Variants in ANKS1A observed in about 807,000 individuals in gnomAD.
The protein encoded by ANKS1A is ankyrin repeat and sterile alpha motif domain containing 1A.
In ANKS1A, 55 loss-of-function variants were observed where a neutral mutation model predicts 120.3. The ratio of observed to expected loss-of-function variants is 0.46; its 90% confidence interval spans 0.37 to 0.57. The LOEUF (loss-of-function observed/expected upper bound fraction) is 0.57. ANKS1A is among the 20% of genes least tolerant of loss of function. The pLI, the probability that ANKS1A is intolerant of heterozygous loss-of-function variation, is 0.00. For missense variants in ANKS1A, 1,123 were observed against 1,480.3 expected (o/e 0.76, Z 3.96); for synonymous variants, 590 against 604.7 (o/e 0.98, Z 0.36).
At chr6:34,904,666 A>C (rs1767548082) in intron 1 of ANKS1A, among the ~76,000 whole-genome samples, 1 of 152,202 alleles carries the variant, frequency 6.6e-6, no homozygotes, top group Non-Finnish European at 1.5e-5. Context: ...TGGGAGGTGG[A>C]GGTTACAGTG....
intron 1 of ANKS1A, among the ~76,000 whole-genome samples, chr6:34,922,694 C>CA (rs750972072): frequency 7.8e-6 from 1 of 127,836 alleles, no homozygotes; most frequent in East Asian, 2.3e-4. Flanking sequence ...CTGGGCATTT[C>CA]TTTTTTTTTT....
At position 34,889,347 on chromosome 6, in the gene ANKS1A, C is replaced by G. The variant is rs1766669881; in HGVS notation, c.-56C>G. 8 of 1,236,772 alleles carry G rather than the reference C, an allele frequency of 6.5e-6. No individual in the cohort carries two copies. Among genetic ancestry groups the G allele is most frequent in the Non-Finnish European group, 8.1e-6 (8 of 991,044 alleles). 76.6% of individuals were successfully genotyped at this position (1,236,772 alleles called of 1,614,324 possible). A position where few individuals can be genotyped will look rare whatever the true frequency, so the allele number is the denominator to read the frequency against. ...CCCGGAGACGGAAAGTTTGGGAGCCCGAGCAGGCTCGGCTGCAGCCTCGGG... is the reference window on the plus strand; with the variant it reads ...CCCGGAGACGGAAAGTTTGGGAGCCGGAGCAGGCTCGGCTGCAGCCTCGGG... On this transcript the variant is annotated 5_prime_UTR_variant, in exon 1 of 24. Coordinates refer to ENST00000360359, the MANE Select transcript of ANKS1A (RefSeq NM_015245.3). This position sits in a 1 kb window ranked among gnomAD's most constrained non-coding sequence, Gnocchi z 5.5.
In ANKS1A at chr6:34,980,027, G is replaced by A. The variant is rs148914899; in HGVS notation, c.436-1663G>A. On this transcript the variant is annotated intron_variant, in intron 3 of 23. Coordinates refer to ENST00000360359, the MANE Select transcript of ANKS1A (RefSeq NM_015245.3). ...AGGAAACTCATGGCATAGCTTAATA[G>A]GGCCTTCCAAATGGGTATCCTAAAA... Among the ~76,000 whole-genome samples the A allele has an allele frequency of 1.3e-3, 196 of 152,360 alleles. 5 individuals carry two copies. In the East Asian group the frequency reaches 0.036, roughly 28 times the overall value.
rs820086 is a variant in ANKS1A, at chr6:35,060,037, G to C, written c.2078-110G>C. The C allele has an allele frequency of 0.4, 329,033 of 829,560 alleles. 67,097 individuals are homozygous for C. The highest frequency in any genetic ancestry group is 0.58 in the East Asian group (21,019 of 35,934). The allele number at this position is 829,560 out of a possible 1,614,324, so 51.4% of individuals were successfully genotyped here. On this transcript the variant is annotated intron_variant, in intron 12 of 23. Coordinates refer to ENST00000360359, the MANE Select transcript of ANKS1A (RefSeq NM_015245.3). This position sits in a 1 kb window ranked among gnomAD's most constrained non-coding sequence, Gnocchi z 4.5. ...TCTCTTGTATATAGTTTGGCTGTTT[G>C]ATGGTAATGACTATGATGTGGCAAT...
At chr6:34,981,666 G>A (rs936577294) in intron 3 of ANKS1A, 24 bp from the exon 4 acceptor site, 2 of 1,607,964 alleles carry the variant, frequency 1.2e-6, no homozygotes, top group South Asian at 2.2e-5. Flanking sequence ...CCTTTCTGAT[G>A]TGATCTGCTT....
intron 10 of ANKS1A, among the ~76,000 whole-genome samples, 181 bp from the exon 11 acceptor site, chr6:35,017,292 A>G (rs1297632493): frequency 6.6e-6 from 1 of 152,188 alleles, no homozygotes; most frequent in Non-Finnish European, 1.5e-5. Flanking sequence ...ATTAAGAACA[A>G]TATGAAAACT....
chr6:35,017,606 G>T lies in ANKS1A; in HGVS notation c.1557G>T (p.Leu519=), dbSNP rs1338675975. The change falls in exon 11 of 24, where the codon CTG becomes CTT. Residue 519 remains leucine (L), a synonymous_variant. Coordinates refer to ENST00000360359, the MANE Select transcript of ANKS1A (RefSeq NM_015245.3). ...AGGTGGGGCAGGACCCTTTCCAGCT[G>T]CTCTGTACCGCTGGCCAGAGCCATC... ...VCEVGQDPFQ[L]LCTAGQSHPD... 3 of 1,613,784 alleles carry T rather than the reference G, an allele frequency of 1.9e-6. No homozygotes were observed. The highest frequency in any genetic ancestry group is 1.3e-5 in the African/African-American group (1 of 74,928).
At chr6:34,900,443 C>T (rs1767290723) in intron 1 of ANKS1A, among the ~76,000 whole-genome samples, 1 of 150,170 alleles carries the variant, frequency 6.7e-6, no homozygotes, top group African/African-American at 2.5e-5. Context: ...CTCATAACAA[C>T]TCTCTCTGTT....
chr6:35,071,846 G>A (rs1023951753), intron 13 of ANKS1A, among the ~76,000 whole-genome samples: 2 of 152,250 alleles, frequency 1.3e-5, no homozygotes, highest in African/African-American at 4.8e-5. Flanking sequence ...CCTGTAGACA[G>A]GGCTGCAGGA....
intron 1 of ANKS1A, among the ~76,000 whole-genome samples, chr6:34,893,903 C>T (rs1261738500): frequency 6.6e-6 from 1 of 151,860 alleles, no homozygotes; most frequent in East Asian, 1.9e-4. Flanking sequence ...AAATTATGTT[C>T]AATATAGCTT....
rs148860436 is a variant in ANKS1A at position 35,086,608 on chromosome 6, G to A, written c.3304-344G>A. Among the ~76,000 whole-genome samples, 2 of 152,216 alleles carry A rather than the reference G, an allele frequency of 1.3e-5. No individual in the cohort carries two copies. Among genetic ancestry groups the A allele is most frequent in the African/African-American group, 4.8e-5 (2 of 41,548 alleles). On this transcript the variant is annotated intron_variant, in intron 22 of 23. Coordinates refer to ENST00000360359, the MANE Select transcript of ANKS1A (RefSeq NM_015245.3). The surrounding 1 kb of genome is among the most constrained non-coding windows in gnomAD (Gnocchi z 5.1). ...GGGTGAGCTCTCTGGGCCTACCAGA[G>A]AGACCCGAGGCTGGACATTTGCAAG...
intron 1 of ANKS1A, among the ~76,000 whole-genome samples, chr6:34,905,305 G>A (rs2127451906): frequency 6.6e-6 from 1 of 152,328 alleles, no homozygotes; most frequent in East Asian, 1.9e-4. Context: ...CCTCAATGGG[G>A]CCAGCCGCCT....
intron 1 of ANKS1A, among the ~76,000 whole-genome samples, chr6:34,946,915 A>G (rs1769826881): frequency 6.6e-6 from 1 of 152,244 alleles, no homozygotes; most frequent in African/African-American, 2.4e-5. Flanking sequence ...GGTGGTGAAT[A>G]GGAAAGACTA....
Position 34,983,436 on chromosome 6 carries a change from T to TC in ANKS1A, c.1012+12dup, listed in dbSNP as rs767526743. 16 of 1,603,104 alleles carry TC rather than the reference T, an allele frequency of 1.0e-5. No individual in the cohort carries two copies. The highest frequency in any genetic ancestry group is 1.4e-5 in the Non-Finnish European group (16 of 1,172,908). ...CACAGAAGTCTCAGGGTAAGGTAAC[T>TC]CTCCCCTATGAGTAAAGGGGTGCTC... On this transcript the variant is annotated intron_variant, in intron 7 of 23. Coordinates refer to ENST00000360359, the MANE Select transcript of ANKS1A (RefSeq NM_015245.3).
chr6:34,995,693 C>G (rs1772812800), intron 10 of ANKS1A, among the ~76,000 whole-genome samples: 1 of 152,200 alleles, frequency 6.6e-6, no homozygotes, highest in Non-Finnish European at 1.5e-5. Flanking sequence ...GCCCCTTTCA[C>G]TTCGCTAATA....
downstream of ANKS1A, among the ~76,000 whole-genome samples, chr6:35,091,829 T>C (rs968329185): frequency 1.3e-5 from 2 of 152,086 alleles, no homozygotes; most frequent in African/African-American, 4.8e-5. Context: ...ATTGCAGAGG[T>C]TAAGTTTTAG....
chr6:34,901,693 TAGAG>T (rs1319769621), intron 1 of ANKS1A, among the ~76,000 whole-genome samples: 2 of 152,204 alleles, frequency 1.3e-5, no homozygotes, highest in Non-Finnish European at 1.5e-5. Flanking sequence ...GTATTTTTTG[TAGAG>T]ACGGAGTCTT....
At chr6:35,024,016 T>G (rs1561921226) in intron 11 of ANKS1A, among the ~76,000 whole-genome samples, 1 of 152,176 alleles carries the variant, frequency 6.6e-6, no homozygotes, top group Non-Finnish European at 1.5e-5. Context: ...AACTTTGTTT[T>G]TCTGCACTGA....
chr6:35,083,584 G>A (rs1440576447), intron 20 of ANKS1A, 81 bp downstream of exon 20: 10 of 1,366,770 alleles, frequency 7.3e-6, no homozygotes, highest in East Asian at 2.3e-5. Flanking sequence ...CAAGCAACCC[G>A]GCTGCCCTGT....
Sources: allele counts gnomAD v4.1 joint callset (sites outside exome capture counted in the v4.1 genomes callset), GRCh38; gene constraint gnomAD v4.1.1; non-coding constraint Gnocchi (gnomAD v3.1); transcripts MANE v1.5; gene names NCBI Gene and HGNC (gene_info 2026-07-23, HGNC 2026-07-21).